The following ANO2 variants were observed in gnomAD, a reference collection of about 807,000 sequenced individuals.
ANO2 encodes anoctamin-2.
A neutral mutation model predicts 124.2 loss-of-function variants in ANO2; 101 were observed. That is an observed-to-expected ratio of 0.81 (90% CI 0.69 to 0.96). ANO2 has a LOEUF of 0.96. Ranked by LOEUF, ANO2 falls within the 40% of genes least tolerant of loss-of-function variation. ANO2 has a pLI of 0.00. For synonymous variants in ANO2, 486 were observed against 482.5 expected, an observed-to-expected ratio of 1.01 and a Z score of -0.09; for missense variants, 1,293 against 1,274.5, an observed-to-expected ratio of 1.01 and a Z score of -0.22.
At position 5,769,460 on chromosome 12, in the gene ANO2, A is replaced by G. The variant is rs1591595303; in HGVS notation, c.1056-18490T>C. ...ATGAGGTGCAAGTGACACTTAGGTA[A>G]GTAAGTAAGGCATACAAGAGATGAG... On this transcript the variant is annotated intron_variant, in intron 10 of 24. Transcript: ENST00000682330. This position sits in a 1 kb window ranked among gnomAD's most constrained non-coding sequence, Gnocchi z 4.0. 8.6e-6 allele frequency among the ~76,000 whole-genome samples: 1 copy of G among 116,712 alleles called. No homozygotes were observed. Among genetic ancestry groups the G allele is most frequent in the African/African-American group, 3.8e-5 (1 of 26,530 alleles). The allele number at this position is 116,712 out of a possible 152,430, so 76.6% of individuals were successfully genotyped here. A position where few individuals can be genotyped will look rare whatever the true frequency, so the allele number is the denominator to read the frequency against.
intron 3 of ANO2, among the ~76,000 whole-genome samples, chr12:5,901,492 C>T (rs371960639): frequency 1.3e-5 from 2 of 152,184 alleles, no homozygotes; most frequent in South Asian, 2.1e-4. Context: ...GGAGATATTA[C>T]GTAAGAGCAT....
At chr12:5,863,771 A>T (rs1378106217) in intron 3 of ANO2, among the ~76,000 whole-genome samples, 1 of 152,212 alleles carries the variant, frequency 6.6e-6, no homozygotes, top group Non-Finnish European at 1.5e-5. Flanking sequence ...ATGTAAAACA[A>T]TGCAACACTT....
At chr12:5,611,659 C>G (rs980027070) in intron 19 of ANO2, among the ~76,000 whole-genome samples, 2 of 152,078 alleles carry the variant, frequency 1.3e-5, no homozygotes, top group Non-Finnish European at 2.9e-5. Flanking sequence ...AGCTAAGAAC[C>G]CTGGGCAAAC....
At chr12:5,666,920 C>T (rs557760699) in intron 14 of ANO2, among the ~76,000 whole-genome samples, 15 of 152,344 alleles carry the variant, frequency 9.8e-5, no homozygotes, top group Middle Eastern at 3.4e-3. Context: ...GGTCTACCCC[C>T]AGAAGGGCTG....
intron 3 of ANO2, among the ~76,000 whole-genome samples, chr12:5,865,546 C>G (rs749262527): frequency 2.0e-5 from 3 of 151,332 alleles, no homozygotes; most frequent in Non-Finnish European, 4.4e-5. Flanking sequence ...ATCATGCATT[C>G]ATACCATCAA....
chr12:5,851,159 C>A (rs1954883436), intron 4 of ANO2, among the ~76,000 whole-genome samples: 1 of 152,194 alleles, frequency 6.6e-6, no homozygotes, highest in Non-Finnish European at 1.5e-5. Flanking sequence ...CTCGCCAACT[C>A]ATCTACAAGT....
At chr12:5,902,025 G>A (rs934830987) in intron 3 of ANO2, among the ~76,000 whole-genome samples, 3 of 152,152 alleles carry the variant, frequency 2.0e-5, no homozygotes, top group African/African-American at 4.8e-5. Context: ...CTGCATGAGC[G>A]AGCAAAAGAG....
At chr12:5,647,682 C>T in intron 15 of ANO2, 45 bp downstream of exon 15, 1 of 1,402,876 alleles carries the variant, frequency 7.1e-7, no homozygotes, top group Non-Finnish European at 1.0e-6. Flanking sequence ...ATAACAGCAT[C>T]TACATGCATG....
chr12:5,569,282 C>T (rs1163148016), intron 23 of ANO2, among the ~76,000 whole-genome samples: 1 of 152,174 alleles, frequency 6.6e-6, no homozygotes, highest in African/African-American at 2.4e-5. Flanking sequence ...GGAGCTCGGG[C>T]CTCCCAAAGT....
chr12:5,782,819 G>A (rs1327300726), intron 10 of ANO2, among the ~76,000 whole-genome samples: 1 of 152,204 alleles, frequency 6.6e-6, no homozygotes, highest in Non-Finnish European at 1.5e-5. Context: ...GAGAGCTAGA[G>A]AGCATGGGCT....
intron 11 of ANO2, among the ~76,000 whole-genome samples, chr12:5,746,298 G>A (rs541350327): frequency 8.5e-5 from 13 of 152,216 alleles, no homozygotes; most frequent in Non-Finnish European, 1.9e-4. Context: ...TCCATCATTT[G>A]TACAAGATGG....
rs371513382 is a variant in ANO2 at position 5,783,178 on chromosome 12, G to C, written c.1055+16329C>G. 3.3e-5 allele frequency among the ~76,000 whole-genome samples: 5 copies of C among 152,320 alleles called. No homozygotes were observed. The East Asian group carries it at 7.7e-4, about 23-fold the overall frequency. On this transcript the variant is annotated intron_variant, in intron 10 of 24. Coordinates refer to ENST00000682330, the MANE Select transcript of ANO2 (RefSeq NM_001364791.2). ...TCTCACACAAATGCCTGCCAAATCA[G>C]ACCTTTCTGTCCCGCATGCTGCTAA...
intron 10 of ANO2, among the ~76,000 whole-genome samples, chr12:5,755,970 T>C (rs1408077427): frequency 6.6e-6 from 1 of 152,204 alleles, no homozygotes; most frequent in Non-Finnish European, 1.5e-5. Flanking sequence ...TTTAGTCTCC[T>C]TCTGAGTCTC....
At chr12:5,647,684 A>G in intron 15 of ANO2, 43 bp downstream of exon 15, 2 of 1,407,728 alleles carry the variant, frequency 1.4e-6, no homozygotes, top group East Asian at 2.3e-5. Context: ...AACAGCATCT[A>G]CATGCATGCA....
At chr12:5,931,186 T>C (rs573033371) in intron 1 of ANO2, among the ~76,000 whole-genome samples, 26 of 152,282 alleles carry the variant, frequency 1.7e-4, no homozygotes, top group Admixed American at 9.8e-4. Context: ...ACAGGGTCTT[T>C]CATGATCGAG....
At chr12:5,829,353 T>C (rs1448453419) in intron 6 of ANO2, among the ~76,000 whole-genome samples, 2 of 151,948 alleles carry the variant, frequency 1.3e-5, no homozygotes, top group South Asian at 2.1e-4. Flanking sequence ...CCTTTTTCCA[T>C]TGGAAAAAAA....
intron 11 of ANO2, among the ~76,000 whole-genome samples, chr12:5,748,843 T>A (rs1343557097): frequency 4.3e-5 from 3 of 69,362 alleles, no homozygotes; most frequent in South Asian, 5.7e-4. Flanking sequence ...CCCTCCCCTC[T>A]CCCCCTTCCT....
intron 10 of ANO2, among the ~76,000 whole-genome samples, chr12:5,757,841 TAAG>T (rs567572544): frequency 0.017 from 2,545 of 152,242 alleles, 31 homozygotes; most frequent in Non-Finnish European, 0.026. Context: ...CCTGTAAAAG[TAAG>T]AAGAAATAGC....
intron 4 of ANO2, among the ~76,000 whole-genome samples, chr12:5,840,219 T>C (rs952093070): frequency 6.6e-6 from 1 of 152,192 alleles, no homozygotes; most frequent in African/African-American, 2.4e-5. Context: ...AAATCATAAA[T>C]AATTTTTAAA....
Sources: allele counts gnomAD v4.1 joint callset (sites outside exome capture counted in the v4.1 genomes callset), GRCh38; gene constraint gnomAD v4.1.1; non-coding constraint Gnocchi (gnomAD v3.1); transcripts MANE v1.5; gene names NCBI Gene and HGNC (gene_info 2026-07-23, HGNC 2026-07-21).